The following IQSEC1 variants were observed in gnomAD, a reference collection of about 807,000 sequenced individuals.
IQSEC1 encodes IQ motif and Sec7 domain ArfGEF 1, also known as IQ motif and SEC7 domain-containing protein 1.
IQSEC1 carries 31 observed loss-of-function variants against 91.0 expected under a neutral mutation model. The observed-to-expected ratio is 0.34, with a 90% CI of 0.26 to 0.46. The LOEUF is 0.46. Ranked by LOEUF, IQSEC1 falls within the 20% of genes least tolerant of loss-of-function variation. The probability of loss-of-function intolerance (pLI) is 1.00; values close to 1 mark genes in which losing one functional copy is unlikely to be tolerated. For synonymous variants in IQSEC1, 699 were observed against 662.6 expected, an observed-to-expected ratio of 1.05 and a Z score of -0.84; for missense variants, 1,388 against 1,575.6, an observed-to-expected ratio of 0.88 and a Z score of 2.02.
intron 1 of IQSEC1, among the ~76,000 whole-genome samples, chr3:13,010,181 A>G (rs1702816423): frequency 6.6e-6 from 1 of 152,238 alleles, no homozygotes; most frequent in African/African-American, 2.4e-5. Flanking sequence ...TAGTGGCGGA[A>G]TGACCAGCCC....
intron 1 of IQSEC1, among the ~76,000 whole-genome samples, chr3:13,265,281 A>C (rs891959379): frequency 4.7e-5 from 7 of 150,472 alleles, no homozygotes; most frequent in African/African-American, 1.7e-4. Flanking sequence ...ATCAGGGCCC[A>C]GCCCTCGGCA....
In IQSEC1 at chr3:13,264,103, G is replaced by A. The variant is rs74491718; in HGVS notation, c.272+18608C>T. 2.0e-3 allele frequency among the ~76,000 whole-genome samples: 298 copies of A among 152,286 alleles called. 2 individuals carry two copies. Among genetic ancestry groups the A allele is most frequent in the African/African-American group, 6.2e-3 (259 of 41,554 alleles). On this transcript the variant is annotated intron_variant, in intron 1 of 15. Coordinates refer to the IQSEC1 transcript ENST00000648114. ...CCTGGCCTGGGCTTTTGAGCCGGACGGCGCCGGCCAGGCCACTGACCCCAG... is the reference window on the plus strand; with the variant it reads ...CCTGGCCTGGGCTTTTGAGCCGGACAGCGCCGGCCAGGCCACTGACCCCAG...
At chr3:12,921,530 A>G (rs533958108) in intron 5 of IQSEC1, among the ~76,000 whole-genome samples, 1 of 152,256 alleles carries the variant, frequency 6.6e-6, no homozygotes, top group Non-Finnish European at 1.5e-5. Flanking sequence ...AACTGGGCTA[A>G]GTGTGCCCAC....
At chr3:13,063,979 A>G (rs1386906590) in intron 1 of IQSEC1, among the ~76,000 whole-genome samples, 1 of 150,452 alleles carries the variant, frequency 6.6e-6, no homozygotes, top group Admixed American at 6.7e-5. Flanking sequence ...TTTTGAGATA[A>G]TCGTAGATTC....
intron 1 of IQSEC1, among the ~76,000 whole-genome samples, chr3:12,976,566 A>T (rs1209288559): frequency 6.6e-6 from 1 of 150,874 alleles, no homozygotes. Flanking sequence ...ACGACAATAC[A>T]TGTATGTTCT....
At chr3:12,949,361 G>A (rs1033465311) in intron 1 of IQSEC1, among the ~76,000 whole-genome samples, 3 of 152,226 alleles carry the variant, frequency 2.0e-5, no homozygotes, top group African/African-American at 7.2e-5. Flanking sequence ...AGAGGGGGCC[G>A]GGCCCCATGC....
chr3:13,276,080 C>CTTTTTTTTTT (rs796663192), intron 1 of IQSEC1, among the ~76,000 whole-genome samples: 1 of 79,552 alleles, frequency 1.3e-5, no homozygotes, highest in Non-Finnish European at 2.5e-5. Context: ...CAAAAGCATT[C>CTTTTTTTTTT]TTTTTTTTTT....
At chr3:13,027,010 A>G (rs1703646147) in intron 1 of IQSEC1, among the ~76,000 whole-genome samples, 1 of 152,106 alleles carries the variant, frequency 6.6e-6, no homozygotes, top group Non-Finnish European at 1.5e-5. Context: ...AACAAAATAA[A>G]TCACTTGTCA....
chr3:13,204,168 G>C (rs1471965545), intron 1 of IQSEC1, among the ~76,000 whole-genome samples: 1 of 152,204 alleles, frequency 6.6e-6, no homozygotes, highest in Non-Finnish European at 1.5e-5. Context: ...GGAGAGCTGC[G>C]GAGAGCTGCG....
intron 3 of IQSEC1, among the ~76,000 whole-genome samples, chr3:12,929,917 T>C (rs1697517516): frequency 6.6e-6 from 1 of 152,230 alleles, no homozygotes; most frequent in Non-Finnish European, 1.5e-5. Context: ...CTGAGCCAGC[T>C]TTTCCTCACA....
intron 1 of IQSEC1, among the ~76,000 whole-genome samples, chr3:13,178,589 G>A (rs1408580103): frequency 1.3e-5 from 2 of 152,240 alleles, no homozygotes; most frequent in Non-Finnish European, 2.9e-5. Context: ...ATGGCAGAGA[G>A]CAGTAAGCCC....
At chr3:13,223,420 C>T (rs1180706380) in intron 1 of IQSEC1, among the ~76,000 whole-genome samples, 1 of 152,216 alleles carries the variant, frequency 6.6e-6, no homozygotes, top group Non-Finnish European at 1.5e-5. Flanking sequence ...AGCCTCCACC[C>T]CTGGGGAGTG....
At chr3:13,220,309 A>G (rs1158688434) in intron 1 of IQSEC1, among the ~76,000 whole-genome samples, 2 of 152,208 alleles carry the variant, frequency 1.3e-5, no homozygotes, top group African/African-American at 4.8e-5. Context: ...ATGGTCACAT[A>G]GGGCCTGTGA....
At chr3:13,013,239 C>T (rs557368876) in intron 1 of IQSEC1, among the ~76,000 whole-genome samples, 2 of 152,202 alleles carry the variant, frequency 1.3e-5, no homozygotes, top group Non-Finnish European at 2.9e-5. Context: ...GGCTCTTAAC[C>T]ACAGCCTGAC....
intron 13 of IQSEC1, among the ~76,000 whole-genome samples, chr3:12,902,001 G>A (rs993084447): frequency 4.6e-5 from 7 of 151,992 alleles, no homozygotes; most frequent in Non-Finnish European, 1.0e-4. Flanking sequence ...CTCCGCCCAT[G>A]TGGGTCCTGA....
intron 1 of IQSEC1, among the ~76,000 whole-genome samples, chr3:13,019,583 T>C (rs952108257): frequency 1.3e-5 from 2 of 152,198 alleles, no homozygotes; most frequent in African/African-American, 2.4e-5. Flanking sequence ...GGTTGGGGCG[T>C]GGCCTTAGTC....
intron 1 of IQSEC1, among the ~76,000 whole-genome samples, chr3:13,281,314 G>T (rs1053359966): frequency 2.0e-5 from 3 of 152,168 alleles, no homozygotes; most frequent in African/African-American, 7.2e-5. Context: ...AGAGACTCCG[G>T]AGGGCCAGGA....
intron 1 of IQSEC1, among the ~76,000 whole-genome samples, chr3:13,250,506 C>T (rs1250871086): frequency 6.6e-6 from 1 of 151,364 alleles, no homozygotes; most frequent in East Asian, 1.9e-4. Context: ...TCAACCTCCC[C>T]CCACCACCAC....
chr3:13,212,205 C>A (rs1694460226), intron 1 of IQSEC1, among the ~76,000 whole-genome samples: 1 of 152,278 alleles, frequency 6.6e-6, no homozygotes, highest in South Asian at 2.1e-4. Context: ...CCAGCCCCTG[C>A]AACCACTCAC....
Sources: gnomAD v4.1 joint callset for allele counts (sites outside exome capture counted in the v4.1 genomes callset) on GRCh38, gnomAD v4.1.1 for gene constraint, MANE v1.5 for transcripts, NCBI Gene and HGNC (gene_info 2026-07-23, HGNC 2026-07-21) for gene names.